The following GPHN variants were observed in gnomAD, a reference collection of about 807,000 sequenced individuals.
GPHN encodes the protein gephyrin.
GPHN carries 17 observed loss-of-function variants against 95.5 expected under a neutral mutation model. The ratio of observed to expected loss-of-function variants is 0.18; its 90% confidence interval spans 0.12 to 0.27. The LOEUF (loss-of-function observed/expected upper bound fraction) is 0.27. Ranked by LOEUF, GPHN falls within the 10% of genes least tolerant of loss-of-function variation. The pLI, the probability that GPHN is intolerant of heterozygous loss-of-function variation, is 1.00. For missense variants in GPHN, 660 were observed against 978.1 expected, an observed-to-expected ratio of 0.67 and a Z score of 4.34; for synonymous variants, 320 against 322.5, an observed-to-expected ratio of 0.99 and a Z score of 0.08.
the GPHN span, among the ~76,000 whole-genome samples, chr14:67,602,281 G>A: frequency 2.6e-5 from 4 of 152,260 alleles, no homozygotes; most frequent in East Asian, 5.8e-4. Context: ...CAGATCTCGT[G>A]AGAGAACTCA....
At chr14:67,570,339 G>T in the GPHN span, 2 of 1,031,344 alleles carry the variant, frequency 1.9e-6, no homozygotes, top group Non-Finnish European at 2.3e-6. Context: ...AATTACTGAG[G>T]TATATTCCAA....
intron 1 of GPHN, among the ~76,000 whole-genome samples, chr14:66,593,050 A>G (rs2061825120): frequency 6.6e-6 from 1 of 152,308 alleles, no homozygotes; most frequent in East Asian, 1.9e-4. Flanking sequence ...ACACAGAAAG[A>G]GAAAACCAAA....
At chr14:67,251,145 A>G in the GPHN span, among the ~76,000 whole-genome samples, 1 of 152,202 alleles carries the variant, frequency 6.6e-6, no homozygotes, top group African/African-American at 2.4e-5. Flanking sequence ...CTTTGTCTGT[A>G]ATATAGCCTG....
the GPHN span, chr14:67,576,036 A>G: frequency 5.0e-5 from 77 of 1,525,806 alleles, no homozygotes; most frequent in African/African-American, 9.8e-4. This position sits in a 1 kb window ranked among gnomAD's most constrained non-coding sequence, Gnocchi z 4.0. Flanking sequence ...TCCAGGGCCA[A>G]GCTTGGACCT....
intron 10 of GPHN, among the ~76,000 whole-genome samples, chr14:67,045,787 CTG>C (rs1375108866): frequency 2.0e-5 from 3 of 151,834 alleles, no homozygotes; most frequent in African/African-American, 7.3e-5. Context: ...GTCTCTCTCT[CTG>C]TGCATCTGTC....
At chr14:67,001,544 A>C (rs2072229359) in intron 9 of GPHN, among the ~76,000 whole-genome samples, 2 of 151,588 alleles carry the variant, frequency 1.3e-5, no homozygotes, top group Non-Finnish European at 3.0e-5. Context: ...CCCTGCATAG[A>C]AATCTTCTAG....
At chr14:67,702,487 T>C in the GPHN span, among the ~76,000 whole-genome samples, 2 of 152,220 alleles carry the variant, frequency 1.3e-5, no homozygotes, top group East Asian at 3.8e-4. Context: ...TCATAGTTTT[T>C]TACCTTTGTG....
chr14:66,873,058 T>C (rs2063508727), intron 4 of GPHN, among the ~76,000 whole-genome samples: 1 of 152,184 alleles, frequency 6.6e-6, no homozygotes, highest in Admixed American at 6.5e-5. Flanking sequence ...AGGTGATTGC[T>C]GCATTTTCAA....
At chr14:67,148,090 C>T (rs1395598625) in intron 18 of GPHN, among the ~76,000 whole-genome samples, 1 of 152,126 alleles carries the variant, frequency 6.6e-6, no homozygotes. Flanking sequence ...TGAGAAACTA[C>T]TTGGTTACCT....
chr14:66,616,425 TTTGTTGTTGTTG>T (rs112215078), intron 1 of GPHN, among the ~76,000 whole-genome samples: 8 of 150,022 alleles, frequency 5.3e-5, no homozygotes, highest in African/African-American at 7.5e-5. Flanking sequence ...TTCTTTGTGT[TTTGTTGTTGTTG>T]TTGTTGTTGT....
At chr14:67,332,440 A>G in the GPHN span, among the ~76,000 whole-genome samples, 1,434 of 152,332 alleles carry the variant, frequency 9.4e-3, 12 homozygotes, top group Admixed American at 0.014. Flanking sequence ...AAGAGGTTAT[A>G]GTGTCTAGAA....
intron 3 of GPHN, among the ~76,000 whole-genome samples, chr14:66,814,306 T>A (rs1259062039): frequency 6.6e-6 from 1 of 152,062 alleles, no homozygotes; most frequent in Non-Finnish European, 1.5e-5. Flanking sequence ...CAACACCACC[T>A]CCAGTGCAAC....
the GPHN span, chr14:67,321,174 A>G: frequency 6.2e-7 from 1 of 1,614,220 alleles, no homozygotes; most frequent in South Asian, 1.1e-5. Flanking sequence ...GGTGAATTTG[A>G]GAAGAATTTG....
the GPHN span, among the ~76,000 whole-genome samples, chr14:67,440,744 TCA>T: frequency 3.6e-5 from 5 of 138,442 alleles, no homozygotes; most frequent in African/African-American, 1.4e-4. Context: ...TTTTCCTGTC[TCA>T]GAGTGAAAAA....
At chr14:67,185,378 A>G (rs2083363614), downstream of GPHN, among the ~76,000 whole-genome samples, 1 of 152,226 alleles carries the variant, frequency 6.6e-6, no homozygotes, top group Non-Finnish European at 1.5e-5. Flanking sequence ...ATGTGAACAC[A>G]CTTTAAGTGA....
intron 1 of GPHN, among the ~76,000 whole-genome samples, chr14:66,624,354 T>G (rs1233077014): frequency 2.0e-5 from 3 of 152,246 alleles, no homozygotes; most frequent in Non-Finnish European, 4.4e-5. Context: ...GATCTGTATC[T>G]GAATTCAACT....
chr14:67,586,480 T>G, the GPHN span: 1 of 1,143,414 alleles, frequency 8.7e-7, no homozygotes, highest in Non-Finnish European at 1.2e-6. Flanking sequence ...ACCCCTGGGT[T>G]CTGCTGACCC....
chr14:66,661,768 G>A lies in GPHN; in HGVS notation c.65-19339G>A, dbSNP rs886090474. Among the ~76,000 whole-genome samples, 18 of 125,576 alleles carry A rather than the reference G, an allele frequency of 1.4e-4. No individual in the cohort carries two copies. In the East Asian group the frequency reaches 3.9e-3, roughly 27 times the overall value. The allele number at this position is 125,576 out of a possible 152,430, so 82.4% of individuals were successfully genotyped here. Reference sequence around the variant, plus strand: ...TGTTTTGATTTCACCCTGGGACTGAGTTCGAGGGGGAGGTGGGCGGGCGCC... The same window carrying A: ...TGTTTTGATTTCACCCTGGGACTGAATTCGAGGGGGAGGTGGGCGGGCGCC... On this transcript the variant is annotated intron_variant, in intron 1 of 22. Coordinates refer to ENST00000478722, the MANE Select transcript of GPHN (RefSeq NM_020806.5).
At chr14:67,480,348 C>T in the GPHN span, among the ~76,000 whole-genome samples, 1 of 152,132 alleles carries the variant, frequency 6.6e-6, no homozygotes. Context: ...ATATGGCCCT[C>T]AGGAGAACAA....
Sources: gnomAD v4.1 joint callset for allele counts (sites outside exome capture counted in the v4.1 genomes callset) on GRCh38, gnomAD v4.1.1 for gene constraint, Gnocchi (gnomAD v3.1) non-coding constraint, MANE v1.5 for transcripts, NCBI Gene and HGNC (gene_info 2026-07-23, HGNC 2026-07-21) for gene names.